PRKCZ: variants seen among roughly 807,000 people sequenced by gnomAD.
The protein encoded by PRKCZ is protein kinase C zeta.
A neutral mutation model predicts 79.5 loss-of-function variants in PRKCZ; 33 were observed. The observed-to-expected ratio is 0.41, with a 90% CI of 0.31 to 0.55. PRKCZ has a LOEUF of 0.55. PRKCZ is among the 20% of genes least tolerant of loss of function. The probability of loss-of-function intolerance (pLI) is 0.19; values close to 1 mark genes in which losing one functional copy is unlikely to be tolerated. For synonymous variants in PRKCZ, 342 were observed against 320.9 expected (o/e 1.07, Z -0.70); for missense variants, 578 against 813.5 (o/e 0.71, Z 3.52).
intron 1 of PRKCZ, among the ~76,000 whole-genome samples, chr1:2,052,320 G>A (rs1381153257): frequency 1.3e-5 from 2 of 152,086 alleles, no homozygotes; most frequent in Non-Finnish European, 1.5e-5. Context: ...GTGGTGGGGC[G>A]GGTGTAATTC....
Position 2,149,070 on chromosome 1 carries a change from G to C in PRKCZ, c.687+146G>C, listed in dbSNP as rs936682017. On this transcript the variant is annotated intron_variant, in intron 8 of 17. Coordinates refer to ENST00000378567, the MANE Select transcript of PRKCZ (RefSeq NM_002744.6). This position sits in a 1 kb window ranked among gnomAD's most constrained non-coding sequence, Gnocchi z 4.1. Reference sequence around the variant, plus strand: ...TAATCTTCACGGGTGTGGATGTCTAGAAGGAAGTCCTTATTCTTGGGTCTT... The same window carrying C: ...TAATCTTCACGGGTGTGGATGTCTACAAGGAAGTCCTTATTCTTGGGTCTT... 2.1e-5 allele frequency: 18 copies of C among 857,078 alleles called. No homozygotes were observed. In the African/African-American group the frequency reaches 3.1e-4, roughly 15 times the overall value. The allele number at this position is 857,078 out of a possible 1,614,324, so 53.1% of individuals were successfully genotyped here.
In PRKCZ at chr1:2,173,865, C is replaced by A; in HGVS notation, c.1286-32C>A. ...CGTCCTGCTGCCGGCCCATGTGGCC[C>A]CACTCGGTGATGGCTGTGTGCTCTC... On this transcript the variant is annotated intron_variant, in intron 13 of 17. Transcript: ENST00000378567. This position sits in a 1 kb window ranked among gnomAD's most constrained non-coding sequence, Gnocchi z 5.7. The A allele has an allele frequency of 6.4e-7, 1 of 1,554,200 alleles. No homozygotes were observed. The highest frequency in any genetic ancestry group is 8.7e-7 in the Non-Finnish European group (1 of 1,146,288).
At chr1:2,171,423 T>C (rs1486675779) in intron 11 of PRKCZ, 1 of 149,028 alleles carries the variant, frequency 6.7e-6, no homozygotes, top group South Asian at 2.2e-4. Context: ...TGGAATGCAG[T>C]GGTGGGATCT....
At chr1:2,066,870 C>T (rs1297926923) in intron 4 of PRKCZ, among the ~76,000 whole-genome samples, 1 of 152,164 alleles carries the variant, frequency 6.6e-6, no homozygotes, top group South Asian at 2.1e-4. Context: ...AGCCTTGGGC[C>T]ACATGACAAA....
intron 5 of PRKCZ, chr1:2,144,002 C>T (rs1677955166): frequency 1.6e-6 from 1 of 614,554 alleles, no homozygotes; most frequent in East Asian, 3.1e-5. Flanking sequence ...CTCCTTGGGG[C>T]CACTGGTTCC....
At chr1:2,164,475 A>G (rs938606615) in intron 10 of PRKCZ, among the ~76,000 whole-genome samples, 2 of 152,164 alleles carry the variant, frequency 1.3e-5, no homozygotes, top group Admixed American at 6.5e-5. Context: ...GCTGCAGGGA[A>G]GTCACCAGGG....
chr1:2,074,299 T>TGC, intron 4 of PRKCZ: 2 of 1,548,750 alleles, frequency 1.3e-6, no homozygotes. Context: ...GCCTGGTGGA[T>TGC]GTGTGGCGGT....
intron 7 of PRKCZ, among the ~76,000 whole-genome samples, chr1:2,148,637 G>A (rs1679216885): frequency 1.3e-5 from 2 of 152,230 alleles, no homozygotes; most frequent in African/African-American, 4.8e-5. Flanking sequence ...ATGGACCCCT[G>A]GGGACGTATG....
chr1:2,148,247 G>C (rs370280351), intron 7 of PRKCZ, among the ~76,000 whole-genome samples: 1 of 127,440 alleles, frequency 7.8e-6, no homozygotes, highest in Non-Finnish European at 1.6e-5. Flanking sequence ...CCATCTATCT[G>C]TTGTCCACTG....
At chr1:2,083,910 A>G (rs952009153) in intron 4 of PRKCZ, among the ~76,000 whole-genome samples, 2 of 152,176 alleles carry the variant, frequency 1.3e-5, no homozygotes, top group Non-Finnish European at 2.9e-5. Flanking sequence ...GCGCTCGAAT[A>G]GGTTTCTTAC....
chr1:2,099,847 C>T (rs907919636), intron 4 of PRKCZ, among the ~76,000 whole-genome samples: 2 of 152,160 alleles, frequency 1.3e-5, no homozygotes, highest in African/African-American at 4.8e-5. Flanking sequence ...GCAGATCACT[C>T]GCAAGGAATG....
At chr1:2,152,596 G>C (rs904748493) in intron 9 of PRKCZ, among the ~76,000 whole-genome samples, 9 of 152,216 alleles carry the variant, frequency 5.9e-5, no homozygotes, top group Admixed American at 4.6e-4. Flanking sequence ...TTGAGATACA[G>C]AGTTGAGCAG....
intron 10 of PRKCZ, chr1:2,169,288 C>T (rs1237965530): frequency 5.3e-6 from 3 of 566,648 alleles, no homozygotes; most frequent in African/African-American, 1.9e-5. Flanking sequence ...GAGTGAAGGC[C>T]GGCGAGGCCC....
intron 4 of PRKCZ, chr1:2,074,391 C>A (rs533749322): frequency 7.1e-7 from 1 of 1,416,018 alleles, no homozygotes; most frequent in South Asian, 1.2e-5. Context: ...GAGTTGCTGG[C>A]TGTTGGGAGT....
Position 2,128,365 on chromosome 1 carries a change from G to T in PRKCZ, c.335-6897G>T, listed in dbSNP as rs1458586113. ...CAAGTGCCCCCTGACCTGCTGCCAGGGACTCGGCCCCTCCCTCACCGCCAC... is the reference window on the plus strand; with the variant it reads ...CAAGTGCCCCCTGACCTGCTGCCAGTGACTCGGCCCCTCCCTCACCGCCAC... On this transcript the variant is annotated intron_variant, in intron 4 of 17. Coordinates refer to ENST00000378567, the MANE Select transcript of PRKCZ (RefSeq NM_002744.6). The surrounding 1 kb of genome is among the most constrained non-coding windows in gnomAD (Gnocchi z 6.5). Among the ~76,000 whole-genome samples the T allele has an allele frequency of 1.3e-5, 2 of 152,248 alleles. No individual in the cohort carries two copies. Among genetic ancestry groups the T allele is most frequent in the African/African-American group, 4.8e-5 (2 of 41,464 alleles).
intron 4 of PRKCZ, among the ~76,000 whole-genome samples, chr1:2,112,692 T>TTGG (rs555132032): frequency 0.73 from 89,744 of 122,924 alleles, 29,229 homozygotes; most frequent in African/African-American, 0.82. Flanking sequence ...GGTTGGTTGG[T>TTGG]TTTTTTTTTT....
intron 2 of PRKCZ, 160 bp downstream of exon 2, chr1:2,055,722 A>G (rs1025919420): frequency 8.8e-7 from 1 of 1,142,046 alleles, no homozygotes; most frequent in East Asian, 2.7e-5. Flanking sequence ...ATGGTGGGAA[A>G]GAGGTTGGCC....
In PRKCZ at chr1:2,174,295, T is replaced by C. The variant is rs973505180; in HGVS notation, c.1405+279T>C. Among the ~76,000 whole-genome samples, 5 of 152,188 alleles carry C rather than the reference T, an allele frequency of 3.3e-5. No individual in the cohort carries two copies. Among genetic ancestry groups the C allele is most frequent in the Admixed American group, 1.3e-4 (2 of 15,282 alleles). The stretch of plus-strand genomic sequence containing the variant: ...AGCAGCACATGCTGGAGCCCCAGCA[T>C]GTCCTTGACCGAGGCTGTACCGAGC... On this transcript the variant is annotated intron_variant, in intron 14 of 17. Coordinates refer to ENST00000378567, the MANE Select transcript of PRKCZ (RefSeq NM_002744.6). The surrounding 1 kb of genome is among the most constrained non-coding windows in gnomAD (Gnocchi z 6.2).
rs908037431 is a variant in PRKCZ, at chr1:2,075,077, G to C, written c.334+15486G>C. On this transcript the variant is annotated intron_variant, in intron 4 of 17. Coordinates refer to ENST00000378567, the MANE Select transcript of PRKCZ (RefSeq NM_002744.6). This position sits in a 1 kb window ranked among gnomAD's most constrained non-coding sequence, Gnocchi z 4.8. ...ACCTCAGCAGACGCAGGGCTGCTCC[G>C]CACAGCCAGCTTGGGCCGCAGGGGT... 1 of 152,228 alleles carries C rather than the reference G, an allele frequency of 6.6e-6. No homozygotes were observed. Among genetic ancestry groups the C allele is most frequent in the Non-Finnish European group, 1.5e-5 (1 of 68,120 alleles). 9.4% of individuals were successfully genotyped at this position (152,228 alleles called of 1,614,324 possible). A position where few individuals can be genotyped will look rare whatever the true frequency, so the allele number is the denominator to read the frequency against.
Sources: allele counts gnomAD v4.1 joint callset (sites outside exome capture counted in the v4.1 genomes callset), GRCh38; gene constraint gnomAD v4.1.1; non-coding constraint Gnocchi (gnomAD v3.1); transcripts MANE v1.5; gene names NCBI Gene and HGNC (gene_info 2026-07-23, HGNC 2026-07-21).